The following BABAM2 variants were observed in gnomAD, a reference collection of about 807,000 sequenced individuals.
BABAM2 encodes BRISC and BRCA1-A complex member 2.
BABAM2 carries 31 observed loss-of-function variants against 54.7 expected under a neutral mutation model. The observed-to-expected ratio is 0.57, with a 90% CI of 0.43 to 0.77. BABAM2 has a LOEUF of 0.77. Ranked by LOEUF, BABAM2 falls within the 30% of genes least tolerant of loss-of-function variation. The pLI, the probability that BABAM2 is intolerant of heterozygous loss-of-function variation, is 0.00. For missense variants in BABAM2, 364 were observed against 455.8 expected (o/e 0.80, Z 1.83); for synonymous variants, 167 against 162.9 (o/e 1.03, Z -0.19).
chr2:27,997,314 A>G (rs1269656886), intron 4 of BABAM2, among the ~76,000 whole-genome samples: 1 of 152,186 alleles, frequency 6.6e-6, no homozygotes, highest in Non-Finnish European at 1.5e-5. Context: ...AGAATATGAG[A>G]AAATTACTAG....
intron 11 of BABAM2, among the ~76,000 whole-genome samples, chr2:28,313,786 C>G (rs925157351): frequency 2.6e-5 from 4 of 152,210 alleles, no homozygotes; most frequent in Admixed American, 6.5e-5. Flanking sequence ...AAGACTAACA[C>G]ACACACATTT....
intron 6 of BABAM2, among the ~76,000 whole-genome samples, chr2:28,062,423 T>A (rs887128539): frequency 2.0e-5 from 3 of 150,522 alleles, no homozygotes; most frequent in African/African-American, 7.4e-5. Flanking sequence ...ATTAGCCTGG[T>A]GTGGTGGTGC....
chr2:28,229,792 G>A (rs1681208400), intron 7 of BABAM2, among the ~76,000 whole-genome samples: 1 of 152,040 alleles, frequency 6.6e-6, no homozygotes, highest in Non-Finnish European at 1.5e-5. Context: ...TCACCATGTT[G>A]ACCAGGCTGG....
intron 5 of BABAM2, among the ~76,000 whole-genome samples, chr2:28,043,131 G>GTTTTT (rs757757963): frequency 7.2e-6 from 1 of 138,860 alleles, no homozygotes; most frequent in Non-Finnish European, 1.6e-5. Flanking sequence ...TTGGGAGCAT[G>GTTTTT]TTTTTTTTTT....
At chr2:28,249,086 T>G (rs1370492755) in intron 10 of BABAM2, among the ~76,000 whole-genome samples, 2 of 149,578 alleles carry the variant, frequency 1.3e-5, no homozygotes, top group South Asian at 2.1e-4. Context: ...TTTGTTTGCT[T>G]GTTTTTTTTT....
chr2:28,215,043 C>T (rs983248485), intron 7 of BABAM2, among the ~76,000 whole-genome samples: 3 of 152,010 alleles, frequency 2.0e-5, no homozygotes, highest in African/African-American at 7.2e-5. Flanking sequence ...CTAGACTAGA[C>T]CTTAGTCAGT....
Position 27,893,485 on chromosome 2 carries a change from C to T in BABAM2, c.-24-1048C>T, listed in dbSNP as rs991692438. Among the ~76,000 whole-genome samples, 8 of 152,246 alleles carry T rather than the reference C, an allele frequency of 5.3e-5. 1 individual carries two copies. The highest frequency in any genetic ancestry group is 6.5e-5 in the Admixed American group (1 of 15,300). On this transcript the variant is annotated intron_variant, in intron 1 of 11. Transcript: ENST00000379624. ...GTTATATCTATTCCCCTACCAAATTCTGGGGAGGGGGCACATTATCTTCTC... is the reference window on the plus strand; with the variant it reads ...GTTATATCTATTCCCCTACCAAATTTTGGGGAGGGGGCACATTATCTTCTC...
At chr2:28,075,052 G>A (rs769237519) in intron 6 of BABAM2, among the ~76,000 whole-genome samples, 16 of 152,014 alleles carry the variant, frequency 1.1e-4, no homozygotes, top group African/African-American at 1.4e-4. Context: ...TTCAGTTCAC[G>A]GACCCTTGGG....
At chr2:28,149,318 G>A (rs1671802618) in intron 7 of BABAM2, among the ~76,000 whole-genome samples, 2 of 152,130 alleles carry the variant, frequency 1.3e-5, no homozygotes, top group South Asian at 2.1e-4. Flanking sequence ...TTCACCTGGT[G>A]TCCTAATCAG....
intron 7 of BABAM2, among the ~76,000 whole-genome samples, chr2:28,155,675 C>T (rs1271532060): frequency 6.6e-6 from 1 of 152,070 alleles, no homozygotes; most frequent in Non-Finnish European, 1.5e-5. Flanking sequence ...GTGCTGAGGG[C>T]CAGGTGCTGG....
intron 4 of BABAM2, among the ~76,000 whole-genome samples, chr2:28,021,778 C>G (rs994683404): frequency 1.3e-5 from 2 of 151,766 alleles, no homozygotes; most frequent in Non-Finnish European, 2.9e-5. Context: ...TAATTTTTTT[C>G]CCCCCGGAAG....
rs557625453 is a variant in BABAM2 at position 27,942,461 on chromosome 2, A to G, written c.205+12553A>G. Among the ~76,000 whole-genome samples, 4 of 152,054 alleles carry G rather than the reference A, an allele frequency of 2.6e-5. No individual in the cohort carries two copies. The South Asian group carries it at 6.2e-4, about 24-fold the overall frequency. On this transcript the variant is annotated intron_variant, in intron 3 of 11. Transcript: ENST00000379624. ...CAGCAACCTCTGCCTCCCTGGCTCA[A>G]GCAATCCCTCCACCTCAGCCTCCCA...
chr2:27,938,783 C>T (rs527710018), intron 3 of BABAM2, among the ~76,000 whole-genome samples: 11 of 151,290 alleles, frequency 7.3e-5, no homozygotes, highest in African/African-American at 1.2e-4. Flanking sequence ...TTATATTCTA[C>T]GGTAAATAAT....
At chr2:28,146,767 T>G (rs554199911) in intron 7 of BABAM2, among the ~76,000 whole-genome samples, 2 of 152,146 alleles carry the variant, frequency 1.3e-5, no homozygotes, top group Non-Finnish European at 2.9e-5. Context: ...TCCATTCTGA[T>G]CCTGACTTGG....
intron 3 of BABAM2, among the ~76,000 whole-genome samples, chr2:27,953,221 C>T (rs2148411579): frequency 6.6e-6 from 1 of 152,138 alleles, no homozygotes; most frequent in Admixed American, 6.5e-5. Context: ...TGCTCTGTCG[C>T]CCAGGCTGGA....
At position 27,987,895 on chromosome 2, in the gene BABAM2, T is replaced by C. The variant is rs1324225656; in HGVS notation, c.206-98T>C. On this transcript the variant is annotated intron_variant, in intron 3 of 11. Coordinates refer to ENST00000379624, the MANE Select transcript of BABAM2 (RefSeq NM_199191.3). ...TGCTTTTCAAATGGTTTTCTTAAACTAATGTAAATTTCTTTTAGAAGTTTT... is the reference window on the plus strand; with the variant it reads ...TGCTTTTCAAATGGTTTTCTTAAACCAATGTAAATTTCTTTTAGAAGTTTT... 4.0e-6 allele frequency: 4 copies of C among 1,003,098 alleles called. No individual in the cohort carries two copies. The Admixed American group carries it at 8.3e-5, about 21-fold the overall frequency. 62.1% of individuals were successfully genotyped at this position (1,003,098 alleles called of 1,614,324 possible).
At chr2:27,942,492 C>G (rs1324629822) in intron 3 of BABAM2, among the ~76,000 whole-genome samples, 1 of 151,790 alleles carries the variant, frequency 6.6e-6, no homozygotes, top group Non-Finnish European at 1.5e-5. Flanking sequence ...TCCCAGATAT[C>G]TGGTACTACA....
intron 6 of BABAM2, among the ~76,000 whole-genome samples, chr2:28,066,144 A>G (rs1334163474): frequency 2.6e-5 from 4 of 151,050 alleles, no homozygotes; most frequent in Non-Finnish European, 5.9e-5. Context: ...AGGCGACAGA[A>G]TGAGACTCCA....
At chr2:28,264,170 A>G (rs560002744) in intron 10 of BABAM2, among the ~76,000 whole-genome samples, 1 of 152,304 alleles carries the variant, frequency 6.6e-6, no homozygotes, top group African/African-American at 2.4e-5. Context: ...TCTAGTTTAT[A>G]GGACTTAACA....
Sources: allele counts gnomAD v4.1 joint callset (sites outside exome capture counted in the v4.1 genomes callset), GRCh38; gene constraint gnomAD v4.1.1; transcripts MANE v1.5; gene names NCBI Gene and HGNC (gene_info 2026-07-23, HGNC 2026-07-21).